The following NFIA variants were observed in gnomAD, a reference collection of about 807,000 sequenced individuals.
NFIA encodes nuclear factor 1 A-type.
Under a neutral mutation model 62.8 loss-of-function variants are expected in NFIA, and 8 were observed. That is an observed-to-expected ratio of 0.13 (90% confidence interval 0.07 to 0.23). NFIA has a LOEUF of 0.23. NFIA is among the 10% of genes least tolerant of loss of function. NFIA has a pLI of 1.00. For synonymous variants in NFIA, 235 were observed against 238.1 expected, an observed-to-expected ratio of 0.99 and a Z score of 0.12; for missense variants, 410 against 642.1, an observed-to-expected ratio of 0.64 and a Z score of 3.91.
chr1:61,083,170 G>T (rs1168989399), intron 1 of NFIA, among the ~76,000 whole-genome samples: 1 of 152,158 alleles, frequency 6.6e-6, no homozygotes, highest in Non-Finnish European at 1.5e-5. Context: ...TTTCGGCGGG[G>T]TTGCAGTCCA....
chr1:61,411,385 A>G (rs993145390), intron 9 of NFIA, among the ~76,000 whole-genome samples: 7 of 152,190 alleles, frequency 4.6e-5, no homozygotes, highest in Non-Finnish European at 1.0e-4. Context: ...AGATTGATAG[A>G]CTGTGCCAGG....
At chr1:61,177,153 A>G (rs755515245) in intron 2 of NFIA, among the ~76,000 whole-genome samples, 2 of 152,074 alleles carry the variant, frequency 1.3e-5, no homozygotes, top group Admixed American at 1.3e-4. Context: ...TCCGTGCTTT[A>G]TCTTCATTTT....
chr1:61,286,143 A>G (rs192051486), intron 3 of NFIA, among the ~76,000 whole-genome samples: 1 of 152,254 alleles, frequency 6.6e-6, no homozygotes, highest in Non-Finnish European at 1.5e-5. Flanking sequence ...GAATTGCTGG[A>G]TAGGCCGGGC....
chr1:61,352,711 G>A, intron 5 of NFIA, 144 bp downstream of exon 5: 1 of 698,142 alleles, frequency 1.4e-6, no homozygotes, highest in Non-Finnish European at 2.5e-6. Context: ...AAGACTGTCG[G>A]TCTCGTTGGG....
chr1:61,426,012 G>T (rs1666848833), intron 9 of NFIA, among the ~76,000 whole-genome samples: 1 of 152,176 alleles, frequency 6.6e-6, no homozygotes, highest in Non-Finnish European at 1.5e-5. Context: ...AGCTGTAGAG[G>T]CACAGGACCA....
At chr1:61,144,106 T>C (rs950218471) in intron 2 of NFIA, among the ~76,000 whole-genome samples, 25 of 152,200 alleles carry the variant, frequency 1.6e-4, no homozygotes, top group African/African-American at 5.8e-4. Context: ...CAAAAAAGAA[T>C]CCTTGCTCTG....
intron 2 of NFIA, among the ~76,000 whole-genome samples, chr1:61,235,190 C>T (rs931182112): frequency 3.9e-5 from 6 of 152,128 alleles, no homozygotes; most frequent in Admixed American, 1.3e-4. Context: ...GGGCTGGGCG[C>T]GGTGGCTCAT....
intron 2 of NFIA, among the ~76,000 whole-genome samples, chr1:61,169,786 C>A (rs1438171358): frequency 1.3e-5 from 2 of 151,998 alleles, no homozygotes; most frequent in Non-Finnish European, 2.9e-5. Context: ...CCTTATAATT[C>A]TTTGGTGTTC....
Position 61,456,203 on chromosome 1 carries a change from T to A in NFIA, c.*883T>A, listed in dbSNP as rs1668294628. 1 of 152,634 alleles carries A rather than the reference T, an allele frequency of 6.6e-6. No individual in the cohort carries two copies. The highest frequency in any genetic ancestry group is 6.5e-5 in the Admixed American group (1 of 15,288). 9.5% of individuals were successfully genotyped at this position (152,634 alleles called of 1,614,324 possible). On this transcript the variant is annotated 3_prime_UTR_variant, in exon 11 of 11. Transcript: ENST00000403491. ...TGCAATTTCATTGGATAGCTAAATA[T>A]CTTTGTAAGATAGAGATTGTTGAAA... is the stretch of plus-strand genomic sequence containing the variant.
chr1:61,141,753 T>C (rs1647551553), intron 2 of NFIA, among the ~76,000 whole-genome samples: 1 of 152,212 alleles, frequency 6.6e-6, no homozygotes, highest in African/African-American at 2.4e-5. Flanking sequence ...ATAGTTTCAT[T>C]AACACAGCGA....
chr1:61,339,770 A>G (rs1661802513), intron 4 of NFIA, among the ~76,000 whole-genome samples: 1 of 124,868 alleles, frequency 8.0e-6, no homozygotes, highest in Non-Finnish European at 1.7e-5. Flanking sequence ...CCTAGCTCAC[A>G]GTATGGGTGG....
intron 7 of NFIA, among the ~76,000 whole-genome samples, chr1:61,397,002 CA>C (rs5774556): frequency 1.4e-4 from 20 of 144,530 alleles, no homozygotes; most frequent in East Asian, 2.0e-4. Flanking sequence ...ACTCTGTCTC[CA>C]AAAAAAAAAA....
intron 9 of NFIA, among the ~76,000 whole-genome samples, chr1:61,409,206 A>G (rs1247973411): frequency 6.6e-6 from 1 of 152,210 alleles, no homozygotes; most frequent in Non-Finnish European, 1.5e-5. Flanking sequence ...AGAGCTTGAT[A>G]CAGATAATTT....
intron 9 of NFIA, among the ~76,000 whole-genome samples, chr1:61,426,053 GA>G (rs910616248): frequency 1.6e-4 from 24 of 152,268 alleles, no homozygotes; most frequent in African/African-American, 5.8e-4. Flanking sequence ...GTAACGGTGT[GA>G]AAAGCAAGCT....
Position 61,257,885 on chromosome 1 carries a change from C to CTTT in NFIA, c.560-19625_560-19623dup, listed in dbSNP as rs58230415. ...TGTTTTTTTTTTTTTTTCTTTTTTT[C>CTTT]TTTTTTTTTTTTCCTGAGACAGGGT... On this transcript the variant is annotated intron_variant, in intron 2 of 10. Coordinates refer to ENST00000403491, the MANE Select transcript of NFIA (RefSeq NM_001134673.4). Among the ~76,000 whole-genome samples the CTTT allele has an allele frequency of 1.5e-3, 175 of 115,426 alleles. No homozygotes were observed. In the Middle Eastern group the frequency reaches 0.032, roughly 21 times the overall value. The allele number at this position is 115,426 out of a possible 152,430, so 75.7% of individuals were successfully genotyped here. A position where few individuals can be genotyped will look rare whatever the true frequency, so the allele number is the denominator to read the frequency against.
At chr1:61,208,607 A>G (rs898280028) in intron 2 of NFIA, among the ~76,000 whole-genome samples, 2 of 152,176 alleles carry the variant, frequency 1.3e-5, no homozygotes, top group Admixed American at 6.5e-5. Flanking sequence ...TCTGAGATCC[A>G]GTTTGCTGTC....
Position 61,088,786 on chromosome 1 carries a change from C to A in NFIA, c.559+106C>A. ...CCTGAGCTCCCCAAGTTGCAGGCCACGTACATGAAGCCAGTGTGGTTTCAA... is the reference window on the plus strand; with the variant it reads ...CCTGAGCTCCCCAAGTTGCAGGCCAAGTACATGAAGCCAGTGTGGTTTCAA... On this transcript the variant is annotated intron_variant, in intron 2 of 10. Coordinates refer to ENST00000403491, the MANE Select transcript of NFIA (RefSeq NM_001134673.4). This position sits in a 1 kb window ranked among gnomAD's most constrained non-coding sequence, Gnocchi z 4.5. The A allele has an allele frequency of 4.6e-6, 6 of 1,296,552 alleles. No individual in the cohort carries two copies. Among genetic ancestry groups the A allele is most frequent in the Non-Finnish European group, 6.3e-6 (6 of 948,768 alleles). The allele number at this position is 1,296,552 out of a possible 1,614,324, so 80.3% of individuals were successfully genotyped here. A position where few individuals can be genotyped will look rare whatever the true frequency, so the allele number is the denominator to read the frequency against.
intron 10 of NFIA, 152 bp from the exon 11 acceptor site, chr1:61,455,151 A>T: frequency 1.4e-6 from 1 of 693,518 alleles, no homozygotes; most frequent in Non-Finnish European, 2.5e-6. Flanking sequence ...GTGTCACAGG[A>T]TTTTTTATTG....
chr1:61,234,503 T>C (rs1166860818), intron 2 of NFIA, among the ~76,000 whole-genome samples: 1 of 152,106 alleles, frequency 6.6e-6, no homozygotes, highest in Non-Finnish European at 1.5e-5. Flanking sequence ...AACTCTTCTG[T>C]GAGCTCTGAA....
Sources: allele counts gnomAD v4.1 joint callset (sites outside exome capture counted in the v4.1 genomes callset), GRCh38; gene constraint gnomAD v4.1.1; non-coding constraint Gnocchi (gnomAD v3.1); transcripts MANE v1.5; gene names NCBI Gene and HGNC (gene_info 2026-07-23, HGNC 2026-07-21).